The following ME3 variants were observed in gnomAD, a reference collection of about 807,000 sequenced individuals.
ME3 encodes the protein NADP-dependent malic enzyme, mitochondrial.
ME3 carries 48 observed loss-of-function variants against 68.9 expected under a neutral mutation model. The observed-to-expected ratio is 0.70, with a 90% CI of 0.55 to 0.89. The LOEUF (loss-of-function observed/expected upper bound fraction) is 0.89. Ranked by LOEUF, ME3 falls within the 40% of genes least tolerant of loss-of-function variation. ME3 has a pLI of 0.00. For missense variants in ME3, 675 were observed against 797.4 expected (o/e 0.85, Z 1.85); for synonymous variants, 320 against 318.8 (o/e 1.00, Z -0.04).
rs550860917 is a variant in ME3 at position 86,569,256 on chromosome 11, C to T, written c.184-9433G>A. 1.7e-4 allele frequency among the ~76,000 whole-genome samples: 26 copies of T among 152,296 alleles called. No homozygotes were observed. The East Asian group carries it at 4.8e-3, about 28-fold the overall frequency. ...CTGAAGTGACATTACCACATCACAACGTAACTGCTTGTCCATGGGCTCAGG... is the reference window on the plus strand; with the variant it reads ...CTGAAGTGACATTACCACATCACAATGTAACTGCTTGTCCATGGGCTCAGG... On this transcript the variant is annotated intron_variant, in intron 2 of 14. Coordinates refer to ENST00000543262, the Ensembl canonical transcript of ME3.
At chr11:86,612,144 T>A (rs1298128196) in intron 2 of ME3, among the ~76,000 whole-genome samples, 2 of 152,202 alleles carry the variant, frequency 1.3e-5, no homozygotes, top group Non-Finnish European at 2.9e-5. Flanking sequence ...CTCCCACTTA[T>A]GAGTGAGAAC....
intron 2 of ME3, among the ~76,000 whole-genome samples, chr11:86,598,649 T>C (rs1376327463): frequency 6.6e-6 from 1 of 152,142 alleles, no homozygotes; most frequent in Non-Finnish European, 1.5e-5. Flanking sequence ...ACTGCCTCCT[T>C]AAGTGGGTCT....
intron 4 of ME3, among the ~76,000 whole-genome samples, chr11:86,518,960 G>T (rs927093165): frequency 3.3e-5 from 5 of 152,222 alleles, no homozygotes; most frequent in African/African-American, 9.6e-5. Context: ...GGGCGGCAAG[G>T]AGTGTCCCCC....
chr11:86,485,389 A>G lies in ME3; in HGVS notation c.809+1948T>C, dbSNP rs558178476. ...TCTAGCACTGGATGTGGTATTCAGG[A>G]TTTCTGAAATGGAGATAATGAATTG... On this transcript the variant is annotated intron_variant, in intron 7 of 14. Coordinates refer to ENST00000543262, the Ensembl canonical transcript of ME3. Among the ~76,000 whole-genome samples, 3 of 152,276 alleles carry G rather than the reference A, an allele frequency of 2.0e-5. 1 individual carries two copies. The South Asian group carries it at 6.2e-4, about 32-fold the overall frequency.
At chr11:86,590,543 G>C (rs977816316) in intron 2 of ME3, among the ~76,000 whole-genome samples, 1 of 152,150 alleles carries the variant, frequency 6.6e-6, no homozygotes, top group Admixed American at 6.5e-5. Context: ...GCAGGAGAAG[G>C]GAAGTAGGAC....
At chr11:86,457,606 T>A (rs1565804242) in intron 8 of ME3, 1 of 1,233,542 alleles carries the variant, frequency 8.1e-7, no homozygotes. Context: ...TTTGGGGTGC[T>A]CTTGGGCTAT....
In ME3 at chr11:86,661,687, A is replaced by C. The variant is rs1946287556; in HGVS notation, c.183+10075T>G. ...TCAGCCTTGCCAACACTGCCATTGG[A>C]AGTGTTTCTGCACCTCTCTTCTGTG... On this transcript the variant is annotated intron_variant, in intron 2 of 14. Transcript: ENST00000543262. Among the ~76,000 whole-genome samples, 10 of 152,236 alleles carry C rather than the reference A, an allele frequency of 6.6e-5. No homozygotes were observed. In the South Asian group the frequency reaches 2.1e-3, roughly 32 times the overall value.
chr11:86,475,896 G>GAGAA (rs1951054739), intron 7 of ME3, among the ~76,000 whole-genome samples: 1 of 148,682 alleles, frequency 6.7e-6, no homozygotes, highest in Non-Finnish European at 1.5e-5. Context: ...GAGAGAGAGA[G>GAGAA]AGAGAAAGAG....
chr11:86,503,640 A>G (rs1952866841), intron 5 of ME3, among the ~76,000 whole-genome samples: 1 of 152,206 alleles, frequency 6.6e-6, no homozygotes. Flanking sequence ...AGGAAATCTA[A>G]CCTCTGACAA....
At chr11:86,512,045 G>A (rs1173674188) in intron 4 of ME3, among the ~76,000 whole-genome samples, 3 of 152,130 alleles carry the variant, frequency 2.0e-5, no homozygotes, top group Admixed American at 6.5e-5. Context: ...TAGCCTCTGA[G>A]TTCTCAGGAG....
intron 14 of ME3, 90 bp from the exon 15 acceptor site, chr11:86,441,530 A>G: frequency 6.5e-6 from 8 of 1,236,374 alleles, no homozygotes; most frequent in East Asian, 2.5e-5. Flanking sequence ...AGGGGAATAC[A>G]CCTTAAGGAA....
At chr11:86,520,663 C>T (rs1383587215) in intron 4 of ME3, among the ~76,000 whole-genome samples, 1 of 152,188 alleles carries the variant, frequency 6.6e-6, no homozygotes, top group Admixed American at 6.5e-5. Flanking sequence ...CTCCAGTAGA[C>T]TTGAAGCTCA....
At chr11:86,600,886 G>T in intron 2 of ME3, among the ~76,000 whole-genome samples, 1 of 150,620 alleles carries the variant, frequency 6.6e-6, no homozygotes, top group East Asian at 2.0e-4. Flanking sequence ...CAGAAATAAA[G>T]ATGTTCTTTG....
intron 4 of ME3, among the ~76,000 whole-genome samples, chr11:86,543,817 T>C (rs1649419022): frequency 1.3e-5 from 2 of 152,200 alleles, no homozygotes; most frequent in Non-Finnish European, 2.9e-5. Flanking sequence ...AATAGACATC[T>C]ACAGAACTCT....
chr11:86,661,849 ATTGTATTGTATTG>A (rs1233521010), intron 2 of ME3, among the ~76,000 whole-genome samples: 3 of 68,836 alleles, frequency 4.4e-5, no homozygotes, highest in Admixed American at 1.2e-4. Context: ...ATTGTATTGT[ATTGTATTGTATTG>A]TATTGTATTG....
chr11:86,480,561 G>A (rs948639311), intron 7 of ME3, among the ~76,000 whole-genome samples: 1 of 152,174 alleles, frequency 6.6e-6, no homozygotes, highest in Middle Eastern at 3.2e-3. Flanking sequence ...CAAGCAGGCC[G>A]TTTCACTGTC....
intron 4 of ME3, among the ~76,000 whole-genome samples, chr11:86,524,551 G>A (rs1273865808): frequency 6.6e-6 from 1 of 152,192 alleles, no homozygotes; most frequent in Admixed American, 6.5e-5. Context: ...TCCATTTTAT[G>A]CTAGCATTTA....
intron 2 of ME3, among the ~76,000 whole-genome samples, chr11:86,636,114 T>C (rs1446233860): frequency 6.6e-6 from 1 of 152,112 alleles, no homozygotes; most frequent in African/African-American, 2.4e-5. Context: ...CTGAAGCTTC[T>C]GAGGGGTTGT....
chr11:86,565,110 G>A lies in ME3; in HGVS notation c.184-5287C>T, dbSNP rs375941530. ...GAAAGACACTGAACATTATTAGTCA[G>A]TAGAGAAATGCAAATCAAAGCCACA... On this transcript the variant is annotated intron_variant, in intron 2 of 14. Transcript: ENST00000543262. Among the ~76,000 whole-genome samples the A allele has an allele frequency of 2.6e-5, 4 of 152,288 alleles. No individual in the cohort carries two copies. The East Asian group carries it at 7.7e-4, about 29-fold the overall frequency.
Sources: gnomAD v4.1 joint callset for allele counts (sites outside exome capture counted in the v4.1 genomes callset) on GRCh38, gnomAD v4.1.1 for gene constraint, MANE v1.5 for transcripts, NCBI Gene and HGNC (gene_info 2026-07-23, HGNC 2026-07-21) for gene names.